TENM2: variants seen among roughly 807,000 people sequenced by gnomAD.
TENM2 encodes the protein teneurin transmembrane protein 2.
TENM2 carries 52 observed loss-of-function variants against 245.2 expected under a neutral mutation model. That is an observed-to-expected ratio of 0.21 (90% CI 0.17 to 0.27). The LOEUF (loss-of-function observed/expected upper bound fraction) is 0.27, where lower values mean the gene tolerates loss of function less well. TENM2 is among the 10% of genes least tolerant of loss of function. The pLI, the probability that TENM2 is intolerant of heterozygous loss-of-function variation, is 1.00. For synonymous variants in TENM2, 1,363 were observed against 1,438.9 expected (o/e 0.95, Z 1.19); for missense variants, 3,046 against 3,666.8 (o/e 0.83, Z 4.37).
At chr5:168,248,475 A>T in intron 27 of TENM2, 104 bp downstream of exon 29, 1 of 1,204,258 alleles carries the variant, frequency 8.3e-7, no homozygotes, top group Non-Finnish European at 1.1e-6. Context: ...GGAGAAGCCC[A>T]TGGGCCATAA....
the TENM2 span, among the ~76,000 whole-genome samples, chr5:167,243,621 C>T: frequency 6.6e-5 from 10 of 152,246 alleles, no homozygotes; most frequent in African/African-American, 2.4e-4. Flanking sequence ...CTCCTCTGGA[C>T]AGGGCATATT....
chr5:167,975,511 T>C (rs902063903), intron 4 of TENM2, among the ~76,000 whole-genome samples: 1 of 152,058 alleles, frequency 6.6e-6, no homozygotes, highest in Non-Finnish European at 1.5e-5. Context: ...TCAGTGGGTA[T>C]GTGTCTGGCC....
chr5:168,077,849 G>A (rs888405403), intron 7 of TENM2, among the ~76,000 whole-genome samples: 1 of 152,114 alleles, frequency 6.6e-6, no homozygotes, highest in East Asian at 1.9e-4. Context: ...TGGCTTGGTT[G>A]CAAGTCTTTG....
chr5:167,470,626 G>A (rs1046700463), intron 2 of TENM2, among the ~76,000 whole-genome samples: 1 of 151,832 alleles, frequency 6.6e-6, no homozygotes, highest in Non-Finnish European at 1.5e-5. Context: ...ATCCTTGGAA[G>A]TAATGGTCTG....
intron 4 of TENM2, among the ~76,000 whole-genome samples, chr5:167,966,120 A>G (rs369558897): frequency 2.6e-5 from 4 of 152,284 alleles, no homozygotes; most frequent in African/African-American, 9.6e-5. Context: ...AGCTCTGAGG[A>G]ATTGGTGGCA....
chr5:167,412,122 C>T (rs907683767), intron 2 of TENM2, among the ~76,000 whole-genome samples: 6 of 152,062 alleles, frequency 3.9e-5, no homozygotes, highest in African/African-American at 1.2e-4. Context: ...CTCTAGCAGA[C>T]CACCAGGATC....
rs1782850072 is a variant in TENM2, at chr5:167,981,740, T to G, written c.948-11204T>G. Among the ~76,000 whole-genome samples the G allele has an allele frequency of 3.3e-5, 5 of 152,242 alleles. No individual in the cohort carries two copies. The South Asian group carries it at 1.0e-3, about 32-fold the overall frequency. On this transcript the variant is annotated intron_variant, in intron 4 of 28. Coordinates refer to ENST00000518659, the Ensembl canonical transcript of TENM2. ...GCTCATGCCTTTAATGCCAGCACTT[T>G]GGGACGGCAGATCACCTGAGGTCAG...
chr5:167,733,153 G>A (rs191231040), intron 2 of TENM2, among the ~76,000 whole-genome samples: 180 of 152,246 alleles, frequency 1.2e-3, no homozygotes, highest in Middle Eastern at 3.4e-3. Flanking sequence ...AGGCAGTGGC[G>A]GAGTTGATTG....
intron 25 of TENM2, among the ~76,000 whole-genome samples, chr5:168,235,345 G>A (rs1426847155): frequency 6.6e-6 from 1 of 152,202 alleles, no homozygotes; most frequent in African/African-American, 2.4e-5. Context: ...CACATAATTA[G>A]AAGGGCAAGC....
the TENM2 span, among the ~76,000 whole-genome samples, chr5:167,045,040 T>A: frequency 6.6e-6 from 1 of 152,024 alleles, no homozygotes; most frequent in East Asian, 1.9e-4. Flanking sequence ...AGACTGGACC[T>A]AGAGATGAGG....
intron 3 of TENM2, among the ~76,000 whole-genome samples, chr5:167,948,223 G>A (rs958614633): frequency 6.6e-6 from 1 of 152,172 alleles, no homozygotes; most frequent in African/African-American, 2.4e-5. Context: ...CTGACTTTAT[G>A]GGAATTGGTA....
At chr5:168,004,634 T>C (rs757574135) in intron 5 of TENM2, among the ~76,000 whole-genome samples, 1 of 152,272 alleles carries the variant, frequency 6.6e-6, no homozygotes, top group East Asian at 1.9e-4. Flanking sequence ...TAATAAAGTA[T>C]CTGGACGGAT....
At chr5:167,057,918 T>C in the TENM2 span, among the ~76,000 whole-genome samples, 8 of 152,142 alleles carry the variant, frequency 5.3e-5, no homozygotes, top group Non-Finnish European at 1.0e-4. Flanking sequence ...GCTGGAGTTT[T>C]TAAATCTTGG....
intron 3 of TENM2, among the ~76,000 whole-genome samples, chr5:167,899,960 TA>T (rs149005925): frequency 0.015 from 2,323 of 152,160 alleles, 54 homozygotes; most frequent in African/African-American, 0.052. Flanking sequence ...GTTCTCAATT[TA>T]AGGCTTTTAT....
At chr5:168,062,874 G>T (rs1157434360) in intron 7 of TENM2, among the ~76,000 whole-genome samples, 1 of 152,160 alleles carries the variant, frequency 6.6e-6, no homozygotes, top group Admixed American at 6.5e-5. Context: ...TGGGAATTGG[G>T]GCTAACTGCC....
intron 2 of TENM2, among the ~76,000 whole-genome samples, chr5:167,805,432 G>A (rs1766092567): frequency 2.0e-5 from 3 of 152,026 alleles, no homozygotes; most frequent in Admixed American, 1.3e-4. Flanking sequence ...ACCAAATGTG[G>A]GATTTGTTGC....
In TENM2 at chr5:167,614,811, C is replaced by T. The variant is rs1051164363; in HGVS notation, c.502+239338C>T. 2.2e-4 allele frequency among the ~76,000 whole-genome samples: 34 copies of T among 152,070 alleles called. 1 individual carries two copies. Among genetic ancestry groups the T allele is most frequent in the Non-Finnish European group, 7.4e-5 (5 of 68,002 alleles). On this transcript the variant is annotated intron_variant, in intron 2 of 28. Coordinates refer to ENST00000518659, the Ensembl canonical transcript of TENM2. ...ACTTCCAGCTTCATGCGATCTCTGT[C>T]CCCTGGCAGTTAGTTTCTTAAATCA... is the stretch of plus-strand genomic sequence containing the variant.
chr5:167,860,038 G>A (rs1263366777), intron 2 of TENM2, among the ~76,000 whole-genome samples: 1 of 96,616 alleles, frequency 1.0e-5, no homozygotes, highest in Non-Finnish European at 2.2e-5. Flanking sequence ...CCGGCCAGCC[G>A]CCCCGTCCGG....
chr5:167,291,735 C>T (rs960589353), intron 1 of TENM2, among the ~76,000 whole-genome samples: 18 of 152,118 alleles, frequency 1.2e-4, no homozygotes, highest in Admixed American at 7.2e-4. Flanking sequence ...GAATGAATTC[C>T]GCACAGGAAA....
Sources: allele counts gnomAD v4.1 joint callset (sites outside exome capture counted in the v4.1 genomes callset), GRCh38; gene constraint gnomAD v4.1.1; transcripts MANE v1.5; gene names NCBI Gene and HGNC (gene_info 2026-07-23, HGNC 2026-07-21).